Variants in DSC3 observed in about 807,000 individuals in gnomAD.
The protein encoded by DSC3 is desmocollin-3.
DSC3 carries 97 observed loss-of-function variants against 89.5 expected under a neutral mutation model. The observed-to-expected ratio is 1.08, with a 90% confidence interval of 0.92 to 1.28. The LOEUF is 1.28. DSC3 is among the 50% of genes most tolerant of loss of function. The probability of loss-of-function intolerance (pLI) is 0.00; values close to 1 mark genes in which losing one functional copy is unlikely to be tolerated. For missense variants in DSC3, 1,199 were observed against 1,085.3 expected, an observed-to-expected ratio of 1.10 and a Z score of -1.47; for synonymous variants, 436 against 384.1, an observed-to-expected ratio of 1.14 and a Z score of -1.58.
Position 31,032,180 on chromosome 18 carries a change from A to C in DSC3, c.154+12T>G, listed in dbSNP as rs533541836. 1 of 1,595,564 alleles carries C rather than the reference A, an allele frequency of 6.3e-7. No homozygotes were observed. The highest frequency in any genetic ancestry group is 1.7e-5 in the Admixed American group (1 of 59,998). On this transcript the variant is annotated intron_variant, in intron 2 of 15. Transcript: ENST00000360428. ...AAATTTCTGCTTTAAAAAGACTTTT[A>C]AAATTTCTCACCTCTGCCAATTATT...
intron 15 of DSC3, among the ~76,000 whole-genome samples, chr18:30,995,697 C>A (rs1279016407): frequency 1.3e-5 from 2 of 152,062 alleles, no homozygotes. Context: ...TTTTGCCAAG[C>A]CAAGTGGCTC....
At chr18:31,019,404 T>A (rs1985345127) in intron 7 of DSC3, among the ~76,000 whole-genome samples, 2 of 152,168 alleles carry the variant, frequency 1.3e-5, no homozygotes, top group South Asian at 4.1e-4. Context: ...ATTTGAGTTT[T>A]AAAAAAATAT....
In DSC3 at chr18:31,018,780, C is replaced by T; in HGVS notation, c.963G>A (p.Leu321=). ...CATCCATGTCTTGTACTTTCATTATCAATGAGTACTTGTCTACAACCTGGA... is the reference window on the plus strand; with the variant it reads ...CATCCATGTCTTGTACTTTCATTATTAATGAGTACTTGTCTACAACCTGGA... ...LDREVVDKYS[L]IMKVQDMDGQ... Residue 321 remains leucine (L), a synonymous_variant, in exon 8 of 16, where the codon TTG becomes TTA. Transcript: ENST00000360428. 6.2e-7 allele frequency: 1 copy of T among 1,613,754 alleles called. No homozygotes were observed. The highest frequency in any genetic ancestry group is 1.1e-5 in the South Asian group (1 of 91,078).
At chr18:31,001,089 G>GTTTATATATATATATATATA in intron 14 of DSC3, among the ~76,000 whole-genome samples, 1 of 126,042 alleles carries the variant, frequency 7.9e-6, no homozygotes, top group African/African-American at 2.9e-5. Flanking sequence ...TTGTGTGTGT[G>GTTTATATATATATATATATA]TATATATATA....
intron 2 of DSC3, 60 bp downstream of exon 2, chr18:31,032,132 G>C: frequency 8.4e-7 from 1 of 1,191,496 alleles, no homozygotes; most frequent in South Asian, 1.2e-5. Flanking sequence ...ATTATATCAT[G>C]CTCTTTCCAG....
chr18:31,013,957 T>A (rs991059341), intron 9 of DSC3, among the ~76,000 whole-genome samples: 1 of 152,150 alleles, frequency 6.6e-6, no homozygotes, highest in Non-Finnish European at 1.5e-5. Context: ...AATAAAAAAA[T>A]TAGAATTTCC....
rs1985524620 is a variant in DSC3, at chr18:31,024,373, CA to C, written c.750del (p.Phe250LeufsTer31). 1.2e-6 allele frequency: 2 copies of C among 1,605,762 alleles called. No individual in the cohort carries two copies. The highest frequency in any genetic ancestry group is 2.2e-5 in the South Asian group (2 of 89,924). ...CCAGGTCTACTACTTTCCAAAACTT[CA>C]AAATTATAAATTGCTTCTGTGAAAA... ...HPVFTEAIYN[F>X]EVLESSRPGT... On this transcript the variant is annotated frameshift_variant, in exon 6 of 16. Coordinates refer to ENST00000360428, the MANE Select transcript of DSC3 (RefSeq NM_001941.5). LOFTEE classifies it high-confidence loss of function.
chr18:31,015,023 C>T (rs953380135), intron 9 of DSC3, among the ~76,000 whole-genome samples: 6 of 151,948 alleles, frequency 3.9e-5, no homozygotes, highest in Non-Finnish European at 8.8e-5. Flanking sequence ...ATGTAAAGTG[C>T]CTAGCATTTT....
In DSC3 at chr18:31,020,681, G is replaced by A. The variant is rs550944306; in HGVS notation, c.942+1655C>T. ...ATTCTAGTCAGGTGCCATGGCTCATGCCTGTAAATTCCAACACTTTGGGAG... is the reference window on the plus strand; with the variant it reads ...ATTCTAGTCAGGTGCCATGGCTCATACCTGTAAATTCCAACACTTTGGGAG... On this transcript the variant is annotated intron_variant, in intron 7 of 15. Transcript: ENST00000360428. 2.6e-5 allele frequency among the ~76,000 whole-genome samples: 4 copies of A among 152,046 alleles called. No homozygotes were observed. In the East Asian group the frequency reaches 5.8e-4, roughly 22 times the overall value.
In DSC3 at chr18:31,008,952, A is replaced by G. The variant is rs61646852; in HGVS notation, c.1264-427T>C. ...CTGACTATGGCCCAGGCATTTTATAACTCTTGTAAAGTTTGATGTTGACTT... is the reference window on the plus strand; with the variant it reads ...CTGACTATGGCCCAGGCATTTTATAGCTCTTGTAAAGTTTGATGTTGACTT... On this transcript the variant is annotated intron_variant, in intron 9 of 15. Coordinates refer to ENST00000360428, the MANE Select transcript of DSC3 (RefSeq NM_001941.5). Among the ~76,000 whole-genome samples the G allele has an allele frequency of 1.0e-2, 1,515 of 152,092 alleles. 30 individuals carry two copies. The highest frequency in any genetic ancestry group is 0.028 in the African/African-American group (1,176 of 41,490).
intron 3 of DSC3, among the ~76,000 whole-genome samples, chr18:31,029,977 T>C (rs1985726949): frequency 6.6e-6 from 1 of 152,202 alleles, no homozygotes. Context: ...AGATAGCACT[T>C]ACTTGTTCTT....
intron 9 of DSC3, among the ~76,000 whole-genome samples, chr18:31,013,784 C>T (rs748542280): frequency 6.6e-6 from 1 of 152,078 alleles, no homozygotes; most frequent in Non-Finnish European, 1.5e-5. Flanking sequence ...CATGTGTGTA[C>T]ATTTCTGATG....
At chr18:31,032,745 G>A (rs530213133) in intron 1 of DSC3, among the ~76,000 whole-genome samples, 7 of 152,136 alleles carry the variant, frequency 4.6e-5, no homozygotes, top group South Asian at 4.2e-4. Context: ...ACAGGCGCCC[G>A]CCACCATGAT....
chr18:31,035,934 T>C (rs1401205617), intron 1 of DSC3, among the ~76,000 whole-genome samples: 1 of 152,150 alleles, frequency 6.6e-6, no homozygotes, highest in Non-Finnish European at 1.5e-5. Flanking sequence ...TCTGTTTATA[T>C]GCATCCTTTT....
At chr18:31,008,650 T>C (rs1192450146) in intron 9 of DSC3, 125 bp from the exon 10 acceptor site, 2 of 1,288,452 alleles carry the variant, frequency 1.6e-6, no homozygotes, top group African/African-American at 1.5e-5. Context: ...TTGTTAATAC[T>C]GACTTTTATC....
intron 4 of DSC3, among the ~76,000 whole-genome samples, chr18:31,028,958 T>A (rs1985689607): frequency 6.6e-6 from 1 of 152,104 alleles, no homozygotes; most frequent in Non-Finnish European, 1.5e-5. Flanking sequence ...CTTCTGTACT[T>A]TCCTCTTCTT....
intron 15 of DSC3, among the ~76,000 whole-genome samples, chr18:30,995,353 G>A (rs1984419322): frequency 6.6e-6 from 1 of 152,178 alleles, no homozygotes; most frequent in South Asian, 2.1e-4. Context: ...CTGTCTAGAA[G>A]TAGAAAAAGA....
chr18:31,017,304 G>A (rs11874824), intron 9 of DSC3, among the ~76,000 whole-genome samples: 6,963 of 152,136 alleles, frequency 0.046, 526 homozygotes, highest in African/African-American at 0.16. Context: ...CCACTTTACT[G>A]TTTTTGGCAG....
chr18:31,026,063 G>A, intron 4 of DSC3, 148 bp from the exon 5 acceptor site: 2 of 825,778 alleles, frequency 2.4e-6, no homozygotes, highest in South Asian at 1.8e-5. Flanking sequence ...GTTGGCAAGA[G>A]TAAGGCAAAC....
Sources: gnomAD v4.1 joint callset for allele counts (sites outside exome capture counted in the v4.1 genomes callset) on GRCh38, gnomAD v4.1.1 for gene constraint, MANE v1.5 for transcripts, NCBI Gene and HGNC (gene_info 2026-07-23, HGNC 2026-07-21) for gene names.